L3MBTL4: variants seen among roughly 807,000 people sequenced by gnomAD.
L3MBTL4 encodes the protein L3MBTL histone methyl-lysine binding protein 4.
Under a neutral mutation model 84.5 loss-of-function variants are expected in L3MBTL4, and 70 were observed. The ratio of observed to expected loss-of-function variants is 0.83; its 90% CI spans 0.68 to 1.01. The LOEUF is 1.01. L3MBTL4 is among the 50% of genes least tolerant of loss of function. L3MBTL4 has a pLI of 0.00. For missense variants in L3MBTL4, 715 were observed against 754.8 expected, an observed-to-expected ratio of 0.95 and a Z score of 0.62; for synonymous variants, 274 against 259.8, an observed-to-expected ratio of 1.05 and a Z score of -0.52.
chr18:6,413,452 G>A (rs2056054201), intron 1 of L3MBTL4, among the ~76,000 whole-genome samples: 1 of 151,920 alleles, frequency 6.6e-6, no homozygotes, highest in African/African-American at 2.4e-5. Flanking sequence ...TCTTTCAACC[G>A]TTTCTCCTAA....
intron 1 of L3MBTL4, among the ~76,000 whole-genome samples, chr18:6,384,798 G>A (rs73938407): frequency 0.021 from 3,178 of 152,274 alleles, 138 homozygotes; most frequent in African/African-American, 0.072. Flanking sequence ...GGGGAAGCCA[G>A]CTGCCATGTT....
intron 1 of L3MBTL4, chr18:6,394,959 A>T (rs1377175396): frequency 6.6e-6 from 1 of 152,220 alleles, no homozygotes; most frequent in Non-Finnish European, 1.5e-5. Context: ...AAAAGAATAT[A>T]GATCTTTCTT....
chr18:6,201,693 G>T (rs2045654799), intron 12 of L3MBTL4, among the ~76,000 whole-genome samples: 1 of 152,094 alleles, frequency 6.6e-6, no homozygotes, highest in East Asian at 1.9e-4. Flanking sequence ...AATTTGGAAA[G>T]AAAAATGCAA....
intron 1 of L3MBTL4, among the ~76,000 whole-genome samples, chr18:6,380,054 A>G (rs971553844): frequency 6.6e-6 from 1 of 152,104 alleles, no homozygotes; most frequent in Non-Finnish European, 1.5e-5. Flanking sequence ...GGGAGGGTGT[A>G]TATGTGCAGG....
intron 1 of L3MBTL4, among the ~76,000 whole-genome samples, chr18:6,386,586 T>C (rs1263476524): frequency 2.0e-5 from 3 of 152,160 alleles, no homozygotes; most frequent in Non-Finnish European, 4.4e-5. Flanking sequence ...TGAGTGCTAA[T>C]GTCAGGGAGG....
Position 6,244,597 on chromosome 18 carries a change from T to A in L3MBTL4, c.220-9A>T, listed in dbSNP as rs991858205. The A allele has an allele frequency of 1.3e-6, 2 of 1,577,014 alleles. No individual in the cohort carries two copies. Among genetic ancestry groups the A allele is most frequent in the South Asian group, 1.1e-5 (1 of 90,146 alleles). Reference sequence around the variant, plus strand: ...TCTGGAAAGGACTGATCCTACAAAATTTCACGACATAACATTAGCCACTGA... The same window carrying A: ...TCTGGAAAGGACTGATCCTACAAAAATTCACGACATAACATTAGCCACTGA... On this transcript the variant is annotated splice_polypyrimidine_tract_variant and intron_variant, in intron 5 of 18. Transcript: ENST00000317931.
At chr18:6,238,133 C>G in intron 9 of L3MBTL4, 93 bp from the exon 10 acceptor site, 1 of 1,104,088 alleles carries the variant, frequency 9.1e-7, no homozygotes, top group Non-Finnish European at 1.4e-6. Flanking sequence ...CAACAGATAC[C>G]ACAGAAAACA....
intron 11 of L3MBTL4, 58 bp downstream of exon 11, chr18:6,215,692 G>T: frequency 3.4e-6 from 3 of 877,484 alleles, no homozygotes; most frequent in Non-Finnish European, 5.2e-6. Flanking sequence ...CCAAATGTAG[G>T]CATGACTCAA....
intron 17 of L3MBTL4, among the ~76,000 whole-genome samples, chr18:5,965,919 G>A (rs1008239213): frequency 6.6e-6 from 1 of 152,154 alleles, no homozygotes; most frequent in Admixed American, 6.5e-5. Context: ...ACAGGTGCAG[G>A]AGCATTGTAT....
intron 16 of L3MBTL4, among the ~76,000 whole-genome samples, chr18:6,046,366 A>T (rs2056618384): frequency 6.6e-6 from 1 of 152,238 alleles, no homozygotes; most frequent in Admixed American, 6.5e-5. Context: ...AAAACTAACA[A>T]ATAAATTCTG....
At chr18:6,016,131 C>T (rs531020898) in intron 16 of L3MBTL4, among the ~76,000 whole-genome samples, 2 of 152,182 alleles carry the variant, frequency 1.3e-5, no homozygotes, top group South Asian at 2.1e-4. Flanking sequence ...AGCTTCACTG[C>T]TTGGAAGGTG....
intron 14 of L3MBTL4, among the ~76,000 whole-genome samples, chr18:6,125,367 G>A (rs548506696): frequency 2.0e-5 from 3 of 152,270 alleles, no homozygotes; most frequent in Non-Finnish European, 4.4e-5. Flanking sequence ...AACAGGAAAA[G>A]GCTCTTGGAT....
intron 16 of L3MBTL4, among the ~76,000 whole-genome samples, chr18:6,066,777 TAGCA>T (rs1393460979): frequency 1.3e-5 from 2 of 152,108 alleles, no homozygotes; most frequent in Admixed American, 6.5e-5. Context: ...CTCTTGAACA[TAGCA>T]GATATTTGGT....
At chr18:6,060,187 CTTAA>C (rs2057159854) in intron 16 of L3MBTL4, among the ~76,000 whole-genome samples, 2 of 152,024 alleles carry the variant, frequency 1.3e-5, no homozygotes, top group African/African-American at 4.8e-5. Flanking sequence ...GTTTCTTTTT[CTTAA>C]TTGTCAGAAT....
In L3MBTL4 at chr18:6,138,251, G is replaced by C; in HGVS notation, c.1142C>G (p.Thr381Ser). ...KILPGQAVCP[T>S]PGCRGIGHIR... The stretch of plus-strand genomic sequence containing the variant: ...ATGGCCTATTCCTCGGCACCCGGGA[G>C]TAGGACAGACAGCTTGACCTGGAAG... The change falls in exon 14 of 19, where the codon ACT becomes AGT. Residue 381 changes from threonine to serine, a missense_variant. Thr to Ser is a moderately conservative substitution (Grantham distance 58). Coordinates refer to ENST00000317931, the MANE Select transcript of L3MBTL4 (RefSeq NM_001330559.2). The C allele has an allele frequency of 6.2e-7, 1 of 1,613,518 alleles. No homozygotes were observed. Among genetic ancestry groups the C allele is most frequent in the Non-Finnish European group, 8.5e-7 (1 of 1,179,626 alleles).
chr18:6,185,979 ATT>A (rs1158020401), intron 12 of L3MBTL4, among the ~76,000 whole-genome samples: 1 of 146,934 alleles, frequency 6.8e-6, no homozygotes, highest in African/African-American at 2.7e-5. Flanking sequence ...ATTTTATTTT[ATT>A]TTATTTTATT....
At chr18:6,149,510 C>T (rs1469878153) in intron 13 of L3MBTL4, among the ~76,000 whole-genome samples, 4 of 150,664 alleles carry the variant, frequency 2.7e-5, no homozygotes, top group East Asian at 3.9e-4. Context: ...AATAAACATA[C>T]GTGTGCATGT....
chr18:6,246,423 T>C (rs1490270236), intron 5 of L3MBTL4, among the ~76,000 whole-genome samples: 1 of 152,194 alleles, frequency 6.6e-6, no homozygotes, highest in Non-Finnish European at 1.5e-5. Flanking sequence ...AAGCACACAG[T>C]TTTGAACAGA....
intron 14 of L3MBTL4, among the ~76,000 whole-genome samples, chr18:6,133,041 C>T (rs1223509504): frequency 6.6e-6 from 1 of 152,056 alleles, no homozygotes; most frequent in Non-Finnish European, 1.5e-5. Flanking sequence ...CATGGTGTGA[C>T]GAACTTTGAC....
Sources: gnomAD v4.1 joint callset for allele counts (sites outside exome capture counted in the v4.1 genomes callset) on GRCh38, gnomAD v4.1.1 for gene constraint, MANE v1.5 for transcripts, NCBI Gene and HGNC (gene_info 2026-07-23, HGNC 2026-07-21) for gene names.